PMP22: variants seen among roughly 807,000 people sequenced by gnomAD.
PMP22 encodes peripheral myelin protein 22, also known as Charcot-Marie-Tooth neuropathy 1A (greatly reduced nerve conduction velocity, hereditary motor sensory neuropathy Ia).
Under a neutral mutation model 18.9 loss-of-function variants are expected in PMP22, and 2 were observed. The observed-to-expected ratio is 0.11, with a 90% CI of 0.04 to 0.33. The LOEUF is 0.33. PMP22 is among the 10% of genes least tolerant of loss of function. The pLI, the probability that PMP22 is intolerant of heterozygous loss-of-function variation, is 1.00. For synonymous variants in PMP22, 95 were observed against 89.2 expected, an observed-to-expected ratio of 1.07 and a Z score of -0.37; for missense variants, 169 against 202.2, an observed-to-expected ratio of 0.84 and a Z score of 1.00.
rs114456021 is a variant in PMP22, at chr17:15,238,788, C to T, written c.319+683G>A. ...CTCTGCACACTATGCATATTAATAA[C>T]GTATTTAAAGAGGGAACTTGAAGAC... On this transcript the variant is annotated intron_variant, in intron 4 of 4. Coordinates refer to ENST00000312280, the MANE Select transcript of PMP22 (RefSeq NM_000304.4). 3.1e-3 allele frequency among the ~76,000 whole-genome samples: 478 copies of T among 152,270 alleles called. 2 individuals carry two copies. Among genetic ancestry groups the T allele is most frequent in the African/African-American group, 0.011 (454 of 41,560 alleles).
intron 4 of PMP22, chr17:15,232,670 AG>A (rs1906459583): frequency 6.6e-6 from 1 of 152,258 alleles, no homozygotes; most frequent in African/African-American, 2.4e-5. Flanking sequence ...GAGTGCTAGC[AG>A]GGCAGGACAA....
intron 4 of PMP22, among the ~76,000 whole-genome samples, chr17:15,238,361 G>A (rs184462657): frequency 1.3e-5 from 2 of 152,224 alleles, no homozygotes; most frequent in East Asian, 1.9e-4. Flanking sequence ...CCCTATTTAC[G>A]TCAACCTTCC....
At chr17:15,231,599 G>A (rs959610880) in intron 4 of PMP22, among the ~76,000 whole-genome samples, 2 of 152,212 alleles carry the variant, frequency 1.3e-5, no homozygotes, top group African/African-American at 4.8e-5. Flanking sequence ...CCCTAACAGA[G>A]TTGCCACATA....
chr17:15,235,180 G>T, intron 4 of PMP22: 1 of 716,812 alleles, frequency 1.4e-6, no homozygotes, highest in South Asian at 1.5e-5. Context: ...CAAAACAAAT[G>T]AACAACAATA....
chr17:15,231,867 G>A (rs1002480968), intron 4 of PMP22, among the ~76,000 whole-genome samples: 3 of 152,104 alleles, frequency 2.0e-5, no homozygotes, highest in Admixed American at 6.6e-5. Flanking sequence ...GCAGCCCTTC[G>A]GTGTTGGAAA....
intron 3 of PMP22, among the ~76,000 whole-genome samples, chr17:15,254,223 A>G (rs2150700311): frequency 6.6e-6 from 1 of 152,276 alleles, no homozygotes. Flanking sequence ...ATGAGGAGTG[A>G]TATAATTAGG....
At chr17:15,263,575 A>ACG (rs898532214) in intron 1 of PMP22, among the ~76,000 whole-genome samples, 34 of 105,806 alleles carry the variant, frequency 3.2e-4, no homozygotes, top group African/African-American at 1.2e-3. Flanking sequence ...CAGTTCACGC[A>ACG]CGCGCGCGCA....
At chr17:15,259,238 G>T in intron 2 of PMP22, 45 bp from the exon 3 acceptor site, 1 of 1,483,816 alleles carries the variant, frequency 6.7e-7, no homozygotes, top group Non-Finnish European at 9.4e-7. Context: ...AGGGAGGGAG[G>T]AGTGAAGGAA....
At chr17:15,245,975 T>C (rs1335415602) in intron 3 of PMP22, among the ~76,000 whole-genome samples, 1 of 148,974 alleles carries the variant, frequency 6.7e-6, no homozygotes, top group African/African-American at 2.5e-5. Flanking sequence ...ATCGCGCCAC[T>C]GCGCCACTGC....
chr17:15,235,645 G>A (rs1945697060), intron 4 of PMP22, among the ~76,000 whole-genome samples: 1 of 152,160 alleles, frequency 6.6e-6, no homozygotes, highest in Non-Finnish European at 1.5e-5. Context: ...CTATGTCAGT[G>A]GTTCCCAACC....
intron 3 of PMP22, among the ~76,000 whole-genome samples, chr17:15,257,624 A>G (rs1031716196): frequency 6.6e-6 from 1 of 152,238 alleles, no homozygotes; most frequent in African/African-American, 2.4e-5. Context: ...TTTGGGGACA[A>G]GCAGTGCTAC....
At chr17:15,250,040 C>T (rs1243976799) in intron 3 of PMP22, among the ~76,000 whole-genome samples, 1 of 152,126 alleles carries the variant, frequency 6.6e-6, no homozygotes, top group African/African-American at 2.4e-5. Context: ...CTCAGCCTCC[C>T]GAGTAGCTGG....
intron 4 of PMP22, among the ~76,000 whole-genome samples, chr17:15,232,970 A>G (rs1906487750): frequency 2.6e-5 from 4 of 152,224 alleles, no homozygotes; most frequent in Non-Finnish European, 5.9e-5. Context: ...AAAGCCAAAG[A>G]GAGGATACAC....
intron 4 of PMP22, among the ~76,000 whole-genome samples, chr17:15,234,687 A>C (rs1387287469): frequency 6.6e-6 from 1 of 152,228 alleles, no homozygotes; most frequent in Non-Finnish European, 1.5e-5. Flanking sequence ...GGGCATGGCC[A>C]GTGAGACATC....
At chr17:15,232,250 G>A (rs1906424359) in intron 4 of PMP22, 1 of 152,160 alleles carries the variant, frequency 6.6e-6, no homozygotes, top group Non-Finnish European at 1.5e-5. Flanking sequence ...GAACCACCCT[G>A]TTAAGCCTGT....
At chr17:15,244,271 TATC>T (rs1907599782) in intron 3 of PMP22, among the ~76,000 whole-genome samples, 1 of 152,064 alleles carries the variant, frequency 6.6e-6, no homozygotes, top group Admixed American at 6.6e-5. Context: ...AAATGGATAA[TATC>T]AGCAGAACAA....
At chr17:15,255,458 G>A (rs231023) in intron 3 of PMP22, among the ~76,000 whole-genome samples, 86,207 of 151,904 alleles carry the variant, frequency 0.57, 25,136 homozygotes, top group African/African-American at 0.71. Flanking sequence ...TTTGTTTCCT[G>A]AAGATGACAG....
intron 4 of PMP22, among the ~76,000 whole-genome samples, chr17:15,237,701 T>G (rs1278042777): frequency 6.6e-6 from 1 of 152,216 alleles, no homozygotes; most frequent in East Asian, 1.9e-4. Context: ...TGGGTGACCT[T>G]GGTCATTCAT....
intron 3 of PMP22, among the ~76,000 whole-genome samples, chr17:15,247,411 G>T (rs1907932289): frequency 6.6e-6 from 1 of 152,150 alleles, no homozygotes; most frequent in African/African-American, 2.4e-5. Context: ...CTCTTTGCAG[G>T]CCTCCTGTTC....
Sources: gnomAD v4.1 joint callset for allele counts (sites outside exome capture counted in the v4.1 genomes callset) on GRCh38, gnomAD v4.1.1 for gene constraint, MANE v1.5 for transcripts, NCBI Gene and HGNC (gene_info 2026-07-23, HGNC 2026-07-21) for gene names.